Variants in ZMIZ1 observed in about 807,000 individuals in gnomAD.
The protein encoded by ZMIZ1 is zinc finger MIZ domain-containing protein 1.
A neutral mutation model predicts 113.9 loss-of-function variants in ZMIZ1; 17 were observed. The ratio of observed to expected loss-of-function variants is 0.15; its 90% CI spans 0.10 to 0.22. ZMIZ1 has a LOEUF of 0.22. ZMIZ1 is among the 10% of genes least tolerant of loss of function. The pLI, the probability that ZMIZ1 is intolerant of heterozygous loss-of-function variation, is 1.00. For synonymous variants in ZMIZ1, 607 were observed against 603.1 expected (o/e 1.01, Z -0.09); for missense variants, 1,059 against 1,477.8 (o/e 0.72, Z 4.65).
intron 3 of ZMIZ1, among the ~76,000 whole-genome samples, chr10:79,151,442 G>C (rs1845705992): frequency 6.6e-6 from 1 of 152,220 alleles, no homozygotes; most frequent in Non-Finnish European, 1.5e-5. Context: ...GTTCTTAGAG[G>C]AGTAGTGAGT....
At chr10:79,094,039 A>G (rs1398130688) in intron 1 of ZMIZ1, among the ~76,000 whole-genome samples, 2 of 152,240 alleles carry the variant, frequency 1.3e-5, no homozygotes, top group Admixed American at 1.3e-4. Context: ...GACCGAGGGC[A>G]TTGTATGTCC....
At chr10:79,223,985 A>G (rs370217125) in intron 7 of ZMIZ1, among the ~76,000 whole-genome samples, 7 of 152,280 alleles carry the variant, frequency 4.6e-5, no homozygotes, top group African/African-American at 1.7e-4. Context: ...AGCAGTGGGG[A>G]GGGGCCCTGC....
chr10:79,245,713 G>A (rs1038278716), intron 7 of ZMIZ1, among the ~76,000 whole-genome samples: 1 of 152,214 alleles, frequency 6.6e-6, no homozygotes, highest in African/African-American at 2.4e-5. Context: ...TGTTGCCCCA[G>A]GGAGTAAGGA....
At chr10:79,272,928 G>T (rs1169229250) in intron 7 of ZMIZ1, among the ~76,000 whole-genome samples, 3 of 152,198 alleles carry the variant, frequency 2.0e-5, no homozygotes, top group Admixed American at 1.3e-4. Flanking sequence ...GAGCTGGAAG[G>T]CCCCAAGGTC....
chr10:79,136,426 A>T (rs867858540), intron 2 of ZMIZ1, among the ~76,000 whole-genome samples: 35 of 152,104 alleles, frequency 2.3e-4, no homozygotes, highest in Non-Finnish European at 3.8e-4. Context: ...TCCTGCCGAG[A>T]TCTTGGGGTG....
intron 7 of ZMIZ1, among the ~76,000 whole-genome samples, chr10:79,263,267 C>T (rs1341750897): frequency 6.6e-6 from 1 of 152,240 alleles, no homozygotes; most frequent in Non-Finnish European, 1.5e-5. Flanking sequence ...GGTGCACTAG[C>T]TCAGAGTTAG....
chr10:79,096,647 G>A (rs572000405), intron 1 of ZMIZ1, among the ~76,000 whole-genome samples: 4 of 152,214 alleles, frequency 2.6e-5, no homozygotes, highest in Admixed American at 2.0e-4. Flanking sequence ...GCTGCCTTGA[G>A]GGGTTGATAG....
chr10:79,182,469 A>G (rs528615604), intron 4 of ZMIZ1, among the ~76,000 whole-genome samples: 7 of 152,190 alleles, frequency 4.6e-5, no homozygotes, highest in South Asian at 4.2e-4. Context: ...GGAGAGTGTC[A>G]GCTGGACTCA....
In ZMIZ1 at chr10:79,175,608, G is replaced by GTA. The variant is rs1395973796; in HGVS notation, c.-50+13476_-50+13477insAT. 5.1e-3 allele frequency among the ~76,000 whole-genome samples: 605 copies of GTA among 117,934 alleles called. 5 individuals are homozygous for GTA. The highest frequency in any genetic ancestry group is 0.04 in the Middle Eastern group (10 of 250). The allele number at this position is 117,934 out of a possible 152,430, so 77.4% of individuals were successfully genotyped here. A position where few individuals can be genotyped will look rare whatever the true frequency, so the allele number is the denominator to read the frequency against. On this transcript the variant is annotated intron_variant, in intron 4 of 24. Coordinates refer to ENST00000334512, the MANE Select transcript of ZMIZ1 (RefSeq NM_020338.4). The stretch of plus-strand genomic sequence containing the variant: ...CGTGTGTGTGTGTGTGTGTGTGTGT[G>GTA]TGTGTGTGTGTGTGTGTGTGTGGAG...
chr10:79,250,715 C>T (rs1472514496), intron 7 of ZMIZ1, among the ~76,000 whole-genome samples: 1 of 152,140 alleles, frequency 6.6e-6, no homozygotes, highest in Non-Finnish European at 1.5e-5. Context: ...TTGAGGTGGC[C>T]CTTGGGGTCC....
intron 5 of ZMIZ1, among the ~76,000 whole-genome samples, chr10:79,203,108 TG>T (rs1022307775): frequency 2.6e-5 from 4 of 152,136 alleles, no homozygotes; most frequent in Non-Finnish European, 5.9e-5. Context: ...GCAACCAGCA[TG>T]GGCTGCTGGC....
In ZMIZ1 at chr10:79,313,780, C is replaced by G; in HGVS notation, c.*1031C>G. 2.9e-6 allele frequency: 1 copy of G among 339,594 alleles called. No individual in the cohort carries two copies. The highest frequency in any genetic ancestry group is 5.8e-6 in the Non-Finnish European group (1 of 171,064). The allele number at this position is 339,594 out of a possible 1,614,324, so 21.0% of individuals were successfully genotyped here. On this transcript the variant is annotated 3_prime_UTR_variant, in exon 25 of 25. Coordinates refer to ENST00000334512, the MANE Select transcript of ZMIZ1 (RefSeq NM_020338.4). ...GTTCTGTTTTTCTCCTAGTCCCTCT[C>G]CTGCCACCTCTCCAAGACTTCCGTG...
At position 79,304,048 on chromosome 10, in the gene ZMIZ1, C is replaced by T. The variant is rs762163071; in HGVS notation, c.2159C>T (p.Ser720Leu). ...KRNFSSVAAS[S>L]GNTTLNGEDG... ...AATTTCAGCAGCGTGGCTGCCTCCT[C>T]GGGCAACACGACCCTCAACGGGGAG... The change falls in exon 19 of 25, where the codon TCG becomes TTG. Residue 720 changes from serine (S) to leucine (L), a missense_variant. Physicochemically the swap from Ser to Leu is moderately radical, Grantham distance 145. Around this residue, in one of 6 missense-constraint regions of ZMIZ1, gnomAD observed 217 missense variants for 426.9 expected, o/e 0.51. Coordinates refer to ENST00000334512, the MANE Select transcript of ZMIZ1 (RefSeq NM_020338.4). The T allele has an allele frequency of 5.0e-6, 8 of 1,614,174 alleles. No individual in the cohort carries two copies. Among genetic ancestry groups the T allele is most frequent in the East Asian group, 2.2e-5 (1 of 44,892 alleles).
chr10:79,263,260 G>A (rs968794498), intron 7 of ZMIZ1, among the ~76,000 whole-genome samples: 2 of 152,248 alleles, frequency 1.3e-5, no homozygotes, highest in African/African-American at 4.8e-5. Context: ...GACCTCAGGT[G>A]CACTAGCTCA....
In ZMIZ1 at chr10:79,290,988, C is replaced by T. The variant is rs376765394; in HGVS notation, c.570C>T (p.Asn190=). ...TTGGGAACCCTATGGCCAATGCCAA[C>T]AACCCCATGAATCCAGGCGGCAACC... ...QVLGNPMANA[N]NPMNPGGNPM... Residue 190 remains asparagine (N), a synonymous_variant, in exon 10 of 25, where the codon AAC becomes AAT. Transcript: ENST00000334512. The T allele has an allele frequency of 5.0e-6, 8 of 1,614,034 alleles. No individual in the cohort carries two copies. In the African/African-American group the frequency reaches 9.3e-5, roughly 19 times the overall value.
chr10:79,247,611 C>T (rs1850287112), intron 7 of ZMIZ1, among the ~76,000 whole-genome samples: 1 of 152,204 alleles, frequency 6.6e-6, no homozygotes, highest in African/African-American at 2.4e-5. Context: ...CTGGGTTCCC[C>T]AACTGCTCCC....
At chr10:79,070,960 A>T (rs1463026682) in intron 1 of ZMIZ1, among the ~76,000 whole-genome samples, 1 of 151,982 alleles carries the variant, frequency 6.6e-6, no homozygotes, top group African/African-American at 2.4e-5. Flanking sequence ...AGCCCAAACA[A>T]ATGTTCTCTC....
intron 7 of ZMIZ1, among the ~76,000 whole-genome samples, chr10:79,222,343 G>A (rs561942453): frequency 3.3e-5 from 5 of 152,286 alleles, no homozygotes; most frequent in African/African-American, 1.2e-4. Context: ...TGGGACAGGC[G>A]CTGTGCCCTC....
In ZMIZ1 at chr10:79,296,395, C is replaced by T. The variant is rs147278536; in HGVS notation, c.1231-76C>T. On this transcript the variant is annotated intron_variant, in intron 12 of 24. Transcript: ENST00000334512. This position sits in a 1 kb window ranked among gnomAD's most constrained non-coding sequence, Gnocchi z 4.1. ...AAATGAGGAGAGGCGGGCCCCATCCCGTTGTTCAGGTGACCTGGCTATGTG... is the reference window on the plus strand; with the variant it reads ...AAATGAGGAGAGGCGGGCCCCATCCTGTTGTTCAGGTGACCTGGCTATGTG... The T allele has an allele frequency of 2.5e-4, 382 of 1,523,064 alleles. 2 individuals are homozygous for T. The African/African-American group carries it at 4.6e-3, about 18-fold the overall frequency. The allele number at this position is 1,523,064 out of a possible 1,614,324, so 94.3% of individuals were successfully genotyped here.
Sources: allele counts gnomAD v4.1 joint callset (sites outside exome capture counted in the v4.1 genomes callset), GRCh38; gene constraint gnomAD v4.1.1; regional missense constraint gnomAD v4.1.1; non-coding constraint Gnocchi (gnomAD v3.1); transcripts MANE v1.5; gene names NCBI Gene and HGNC (gene_info 2026-07-23, HGNC 2026-07-21).